LRRC37A2: variants seen among roughly 807,000 people sequenced by gnomAD.
The protein encoded by LRRC37A2 is leucine rich repeat containing 37 member A2, also known as leucine-rich repeat-containing protein 37A2.
In LRRC37A2, 9 loss-of-function variants were observed where a neutral mutation model predicts 68.8. The observed-to-expected ratio is 0.13, with a 90% CI of 0.08 to 0.23. The LOEUF (loss-of-function observed/expected upper bound fraction) is 0.23. Ranked by LOEUF, LRRC37A2 falls within the 10% of genes least tolerant of loss-of-function variation. LRRC37A2 has a pLI of 1.00. For missense variants in LRRC37A2, 168 were observed against 950.4 expected, an observed-to-expected ratio of 0.18 and a Z score of 10.82; for synonymous variants, 63 against 367.6, an observed-to-expected ratio of 0.17 and a Z score of 9.48.
chr17:46,754,677 C>A, the LRRC37A2 span, among the ~76,000 whole-genome samples: 1 of 152,160 alleles, frequency 6.6e-6, no homozygotes, highest in Non-Finnish European at 1.5e-5. Flanking sequence ...AACGAAGCAC[C>A]TGAAACAAAG....
chr17:46,392,509 TTC>T, the LRRC37A2 span, among the ~76,000 whole-genome samples: 12,680 of 42,006 alleles, frequency 0.3, 251 homozygotes, highest in Non-Finnish European at 0.46. Flanking sequence ...TTTTCTCTCT[TTC>T]TCTCTCTCTC....
At chr17:46,770,086 G>A in the LRRC37A2 span, 7 of 1,508,902 alleles carry the variant, frequency 4.6e-6, no homozygotes, top group South Asian at 5.1e-5. Context: ...CTCAGGACCC[G>A]GCCTGGGAGC....
At chr17:46,851,539 C>A in the LRRC37A2 span, 3 of 581,326 alleles carry the variant, frequency 5.2e-6, no homozygotes, top group African/African-American at 5.9e-5. The surrounding 1 kb of genome is among the most constrained non-coding windows in gnomAD (Gnocchi z 4.3). Context: ...CGCCGCCTGC[C>A]CCGCCCCACC....
intron 6 of LRRC37A2, among the ~76,000 whole-genome samples, chr17:46,525,665 A>G (rs1160566946): frequency 1.6e-5 from 2 of 122,040 alleles, no homozygotes; most frequent in East Asian, 2.4e-4. Context: ...CTTCACTACA[A>G]TTATGTAGGC....
the LRRC37A2 span, chr17:47,018,367 TCA>T: frequency 6.2e-7 from 1 of 1,610,712 alleles, no homozygotes; most frequent in South Asian, 1.1e-5. Flanking sequence ...CATCATGAAG[TCA>T]CAGTTTCACC....
the LRRC37A2 span, among the ~76,000 whole-genome samples, chr17:46,934,817 G>A: frequency 7.2e-5 from 11 of 152,228 alleles, no homozygotes; most frequent in Non-Finnish European, 1.5e-4. Flanking sequence ...GAACTCATTT[G>A]GAGAGTGACA....
At chr17:46,832,861 C>T in the LRRC37A2 span, 2 of 156,690 alleles carry the variant, frequency 1.3e-5, no homozygotes, top group Non-Finnish European at 1.4e-5. Context: ...ATTGGCTCTG[C>T]GTGGTCCATC....
At chr17:46,902,616 G>A in the LRRC37A2 span, among the ~76,000 whole-genome samples, 1 of 152,112 alleles carries the variant, frequency 6.6e-6, no homozygotes, top group Admixed American at 6.5e-5. Context: ...AACAGGCAGA[G>A]TGGGGGCTTG....
At chr17:46,821,247 C>T in the LRRC37A2 span, 1 of 152,252 alleles carries the variant, frequency 6.6e-6, no homozygotes, top group African/African-American at 2.4e-5. Flanking sequence ...CTGGAACCTA[C>T]CAGCGGCCCT....
chr17:46,755,495 G>A, the LRRC37A2 span: 3 of 864,124 alleles, frequency 3.5e-6, no homozygotes, highest in Admixed American at 2.1e-5. Context: ...TCGCTGTGTT[G>A]TAGGTCCGAG....
chr17:46,895,167 A>G, the LRRC37A2 span, among the ~76,000 whole-genome samples: 15 of 152,222 alleles, frequency 9.9e-5, no homozygotes, highest in African/African-American at 3.6e-4. Flanking sequence ...ATCAGTCCCC[A>G]GGCATCGCCC....
the LRRC37A2 span, among the ~76,000 whole-genome samples, chr17:47,022,779 C>T: frequency 2.0e-5 from 3 of 152,104 alleles, no homozygotes; most frequent in Non-Finnish European, 2.9e-5. Context: ...CTGCATAATC[C>T]ATAGTATGGA....
chr17:47,000,038 TA>T, the LRRC37A2 span, among the ~76,000 whole-genome samples: 572 of 23,814 alleles, frequency 0.024, 59 homozygotes, highest in African/African-American at 0.04. Flanking sequence ...TAAAATAAAA[TA>T]AAATAAAATA....
chr17:46,704,961 G>A, the LRRC37A2 span: 10 of 1,053,090 alleles, frequency 9.5e-6, no homozygotes, highest in African/African-American at 1.8e-5. Context: ...TATAGCATAT[G>A]CAGTTTCATA....
chr17:46,768,937 ACTGAGGCAAGAC>A, the LRRC37A2 span: 3 of 1,342,222 alleles, frequency 2.2e-6, no homozygotes, highest in Admixed American at 7.6e-5. The surrounding 1 kb of genome is among the most constrained non-coding windows in gnomAD (Gnocchi z 5.0). Context: ...ACTGATGGGG[ACTGAGGCAAGAC>A]CTAAAGAATA....
At chr17:46,870,904 C>CTTTTTTTTTTTTTTT in the LRRC37A2 span, among the ~76,000 whole-genome samples, 1 of 78,388 alleles carries the variant, frequency 1.3e-5, no homozygotes, top group African/African-American at 5.0e-5. Context: ...TCCACCTTTG[C>CTTTTTTTTTTTTTTT]TTTTTTTTTT....
the LRRC37A2 span, among the ~76,000 whole-genome samples, chr17:46,583,994 T>TATATAA: frequency 8.6e-4 from 11 of 12,738 alleles, no homozygotes; most frequent in African/African-American, 1.7e-3. Flanking sequence ...TATATATATA[T>TATATAA]AATATATATT....
the LRRC37A2 span, among the ~76,000 whole-genome samples, chr17:46,914,188 C>A: frequency 6.6e-6 from 1 of 152,140 alleles, no homozygotes; most frequent in Non-Finnish European, 1.5e-5. Context: ...GGGACATAGT[C>A]ACAGCTGGCC....
chr17:46,823,089 ATGTAT>A, the LRRC37A2 span, among the ~76,000 whole-genome samples: 9 of 131,324 alleles, frequency 6.9e-5, no homozygotes, highest in South Asian at 6.9e-4. Flanking sequence ...TATAATAAAT[ATGTAT>A]TATATAATAA....
Sources: gnomAD v4.1 joint callset for allele counts (sites outside exome capture counted in the v4.1 genomes callset) on GRCh38, gnomAD v4.1.1 for gene constraint, Gnocchi (gnomAD v3.1) non-coding constraint, MANE v1.5 for transcripts, NCBI Gene and HGNC (gene_info 2026-07-23, HGNC 2026-07-21) for gene names.